Variants in EMILIN2 observed in about 807,000 individuals in gnomAD.
EMILIN2 encodes the protein elastin microfibril interfacer 2.
A neutral mutation model predicts 87.1 loss-of-function variants in EMILIN2; 71 were observed. That is an observed-to-expected ratio of 0.82 (90% CI 0.67 to 0.99). EMILIN2 has a LOEUF of 0.99. Among genes scored for constraint, EMILIN2 ranks in the 50% least tolerant of loss-of-function variants. The pLI is 0.00. For missense variants in EMILIN2, 1,407 were observed against 1,371.8 expected, an observed-to-expected ratio of 1.03 and a Z score of -0.40; for synonymous variants, 581 against 563.4, an observed-to-expected ratio of 1.03 and a Z score of -0.44.
Position 2,911,140 on chromosome 18 carries a change from C to T in EMILIN2, c.2824+1321C>T, listed in dbSNP as rs920253629. On this transcript the variant is annotated intron_variant, in intron 7 of 7. Coordinates refer to ENST00000254528, the MANE Select transcript of EMILIN2 (RefSeq NM_032048.3). ...CAGGAAGGAAAGTACACTCGGAAGACGGCCAAGTGGGCGACTTGAGAGATT... is the reference window on the plus strand; with the variant it reads ...CAGGAAGGAAAGTACACTCGGAAGATGGCCAAGTGGGCGACTTGAGAGATT... Among the ~76,000 whole-genome samples the T allele has an allele frequency of 3.9e-5, 6 of 152,222 alleles. No individual in the cohort carries two copies. The East Asian group carries it at 5.8e-4, about 15-fold the overall frequency.
chr18:2,879,193 C>T (rs1405874343), intron 2 of EMILIN2, among the ~76,000 whole-genome samples: 1 of 152,142 alleles, frequency 6.6e-6, no homozygotes, highest in Non-Finnish European at 1.5e-5. Flanking sequence ...GCTGATTACT[C>T]AACAGTCTCA....
intron 2 of EMILIN2, among the ~76,000 whole-genome samples, chr18:2,873,934 G>A (rs1035627512): frequency 2.6e-5 from 4 of 152,076 alleles, no homozygotes; most frequent in Admixed American, 6.6e-5. Flanking sequence ...TGGGTTGGCC[G>A]TGGTATCAAA....
chr18:2,866,274 C>A (rs1204147348), intron 2 of EMILIN2, among the ~76,000 whole-genome samples: 1 of 152,226 alleles, frequency 6.6e-6, no homozygotes, highest in Non-Finnish European at 1.5e-5. Context: ...AATCACCTGT[C>A]TTCTGCGTCG....
At chr18:2,884,530 G>A (rs1350518297) in intron 2 of EMILIN2, among the ~76,000 whole-genome samples, 2 of 152,268 alleles carry the variant, frequency 1.3e-5, no homozygotes, top group African/African-American at 2.4e-5. Flanking sequence ...ACAGGCATGA[G>A]CCACTGTGCC....
chr18:2,868,062 G>A (rs531720825), intron 2 of EMILIN2, among the ~76,000 whole-genome samples: 25 of 151,762 alleles, frequency 1.6e-4, no homozygotes, highest in Admixed American at 5.2e-4. Context: ...GCTGCTGGAC[G>A]GGGCTCCTCA....
rs764065067 is a variant in EMILIN2 at position 2,913,251 on chromosome 18, G to A, written c.3009G>A (p.Gly1003=). 17 of 1,613,816 alleles carry A rather than the reference G, an allele frequency of 1.1e-5. No individual in the cohort carries two copies. In the Admixed American group the frequency reaches 1.2e-4, roughly 11 times the overall value. ...CTCCAGGAGCTTTGCATACCTGCGG[G>A]GGCCCGGGGGCATTCCACCTCATCG... is the stretch of plus-strand genomic sequence containing the variant. ...HRPPGALHTC[G]GPGAFHLIVH... The change falls in exon 8 of 8, where the codon GGG becomes GGA. Residue 1003 remains glycine (G), a synonymous_variant. Coordinates refer to ENST00000254528, the MANE Select transcript of EMILIN2 (RefSeq NM_032048.3).
chr18:2,907,349 C>T (rs983933461), intron 5 of EMILIN2, among the ~76,000 whole-genome samples: 1 of 152,216 alleles, frequency 6.6e-6, no homozygotes, highest in Non-Finnish European at 1.5e-5. Flanking sequence ...GAGTGCCACA[C>T]GGGCAGCTCA....
At chr18:2,868,471 C>T (rs1486388223) in intron 2 of EMILIN2, among the ~76,000 whole-genome samples, 1 of 152,196 alleles carries the variant, frequency 6.6e-6, no homozygotes, top group Non-Finnish European at 1.5e-5. Context: ...TTGCAGCCAG[C>T]CAAGATCACA....
intron 4 of EMILIN2, among the ~76,000 whole-genome samples, chr18:2,903,878 C>A (rs1280545985): frequency 6.6e-6 from 1 of 152,156 alleles, no homozygotes; most frequent in Non-Finnish European, 1.5e-5. Flanking sequence ...CAATCTGAGC[C>A]TGCCTTCACT....
Position 2,908,989 on chromosome 18 carries a change from G to A in EMILIN2, c.2695+14G>A, listed in dbSNP as rs1246314546. ...TAGCTTCCCCAGGTATGTCTGCTGA[G>A]AGACCAGGAGCAGGAGGAGCGGTCT... On this transcript the variant is annotated intron_variant, in intron 6 of 7. Coordinates refer to ENST00000254528, the MANE Select transcript of EMILIN2 (RefSeq NM_032048.3). The A allele has an allele frequency of 6.2e-7, 1 of 1,613,160 alleles. No individual in the cohort carries two copies.
intron 2 of EMILIN2, among the ~76,000 whole-genome samples, chr18:2,849,639 G>T (rs930583922): frequency 1.3e-5 from 2 of 152,178 alleles, no homozygotes; most frequent in African/African-American, 2.4e-5. Context: ...AAAAATGACA[G>T]ATGTTTCTGT....
At chr18:2,901,274 C>T (rs187786143) in intron 4 of EMILIN2, among the ~76,000 whole-genome samples, 4 of 152,334 alleles carry the variant, frequency 2.6e-5, no homozygotes, top group Admixed American at 1.3e-4. Context: ...CCCAGGTCTC[C>T]TCCTGCAGCC....
At chr18:2,909,543 T>C (rs961132750) in intron 6 of EMILIN2, 148 bp from the exon 7 acceptor site, 2 of 944,278 alleles carry the variant, frequency 2.1e-6, no homozygotes, top group Admixed American at 2.7e-5. Flanking sequence ...CCTCTGGCTG[T>C]TGGGCATGAG....
chr18:2,861,115 T>G (rs1190090480), intron 2 of EMILIN2, among the ~76,000 whole-genome samples: 1 of 152,210 alleles, frequency 6.6e-6, no homozygotes. Context: ...TTGAGTTCAT[T>G]GTAGATTCTG....
At chr18:2,874,849 G>T (rs752400516) in intron 2 of EMILIN2, among the ~76,000 whole-genome samples, 1 of 152,240 alleles carries the variant, frequency 6.6e-6, no homozygotes, top group Non-Finnish European at 1.5e-5. Flanking sequence ...AATGTCTCCA[G>T]ATTTTCGATG....
chr18:2,913,177 C>G lies in EMILIN2; in HGVS notation c.2935C>G (p.Gln979Glu). The change falls in exon 8 of 8, where the codon CAG becomes GAG. Residue 979 changes from glutamine to glutamate, a missense_variant. Transcript: ENST00000254528. The stretch of plus-strand genomic sequence containing the variant: ...GTCGGTCTCCAACGCCAGCGTGGCC[C>G]AGCTGCATACCGCTGGGTACAGGAG... ...VLSVSNASVA[Q>E]LHTAGYRREF... 1.2e-6 allele frequency: 2 copies of G among 1,614,022 alleles called. No individual in the cohort carries two copies. Among genetic ancestry groups the G allele is most frequent in the African/African-American group, 2.7e-5 (2 of 75,030 alleles).
Position 2,885,081 on chromosome 18 carries a change from C to A in EMILIN2, c.375C>A (p.Pro125=), listed in dbSNP as rs759403891. 6.2e-7 allele frequency: 1 copy of A among 1,613,572 alleles called. No homozygotes were observed. The highest frequency in any genetic ancestry group is 8.5e-7 in the Non-Finnish European group (1 of 1,179,910). The part of the protein sequence containing the change: ...GGDCQEGPKD[P]VKTLRPTPAR... Reference sequence around the variant, plus strand: ...ATTGCCAAGAAGGTCCCAAAGACCCCGTGAAGACCCTCCGCCCCACGCCGG... The same window carrying A: ...ATTGCCAAGAAGGTCCCAAAGACCCAGTGAAGACCCTCCGCCCCACGCCGG... Residue 125 remains proline, a synonymous_variant, in exon 3 of 8, where the codon CCC becomes CCA. Transcript: ENST00000254528.
chr18:2,859,319 G>A (rs1179792055), intron 2 of EMILIN2, among the ~76,000 whole-genome samples: 1 of 152,152 alleles, frequency 6.6e-6, no homozygotes, highest in Admixed American at 6.5e-5. Context: ...CTGATCATTA[G>A]TAATGTTGAG....
At chr18:2,909,166 C>T (rs1192685028) in intron 6 of EMILIN2, among the ~76,000 whole-genome samples, 191 bp downstream of exon 6, 1 of 152,152 alleles carries the variant, frequency 6.6e-6, no homozygotes, top group Admixed American at 6.5e-5. Flanking sequence ...AGGTTTGCTC[C>T]CCAGAGAGGG....
Sources: gnomAD v4.1 joint callset for allele counts (sites outside exome capture counted in the v4.1 genomes callset) on GRCh38, gnomAD v4.1.1 for gene constraint, MANE v1.5 for transcripts, NCBI Gene and HGNC (gene_info 2026-07-23, HGNC 2026-07-21) for gene names.